Variants in TNKS observed in about 807,000 individuals in gnomAD.
TNKS encodes the protein poly [ADP-ribose] polymerase tankyrase-1.
Under a neutral mutation model 135.8 loss-of-function variants are expected in TNKS, and 72 were observed. That is an observed-to-expected ratio of 0.53 (90% CI 0.44 to 0.64). The LOEUF (loss-of-function observed/expected upper bound fraction) is 0.64. Among genes scored for constraint, TNKS ranks in the 30% least tolerant of loss-of-function variants. The probability of loss-of-function intolerance (pLI) is 0.00; values close to 1 mark genes in which losing one functional copy is unlikely to be tolerated. For synonymous variants in TNKS, 849 were observed against 649.3 expected (o/e 1.31, Z -4.68); for missense variants, 1,769 against 1,674.0 (o/e 1.06, Z -0.99).
chr8:9,709,798 A>G (rs1804231323), intron 9 of TNKS, among the ~76,000 whole-genome samples, 157 bp from the exon 10 acceptor site: 2 of 152,252 alleles, frequency 1.3e-5, no homozygotes, highest in African/African-American at 4.8e-5. Flanking sequence ...CTATACGTAG[A>G]AAGAATATGG....
Position 9,684,522 on chromosome 8 carries a change from C to G in TNKS, c.1107+3722C>G, listed in dbSNP as rs962818820. On this transcript the variant is annotated intron_variant, in intron 5 of 26. Coordinates refer to ENST00000310430, the MANE Select transcript of TNKS (RefSeq NM_003747.3). ...AAATAAATGTCCAAAATTATCCATT[C>G]CTCATCTTAATAGGCAATAGGTAGG... 1.1e-4 allele frequency among the ~76,000 whole-genome samples: 16 copies of G among 152,096 alleles called. No homozygotes were observed. In the East Asian group the frequency reaches 1.9e-3, roughly 18 times the overall value.
chr8:9,697,360 C>G (rs765786678), intron 5 of TNKS, among the ~76,000 whole-genome samples: 2 of 152,000 alleles, frequency 1.3e-5, no homozygotes, highest in Non-Finnish European at 2.9e-5. Flanking sequence ...AGAGAAAAAC[C>G]TAGGAAATAC....
At chr8:9,705,366 C>T (rs1237253837) in intron 6 of TNKS, among the ~76,000 whole-genome samples, 1 of 152,210 alleles carries the variant, frequency 6.6e-6, no homozygotes, top group African/African-American at 2.4e-5. Context: ...TAACATTTCT[C>T]ATTGCCCCAC....
chr8:9,734,257 C>T (rs1340340789), intron 15 of TNKS, among the ~76,000 whole-genome samples: 1 of 152,138 alleles, frequency 6.6e-6, no homozygotes. Flanking sequence ...CCATGACAGT[C>T]TGTGGCCGAC....
At chr8:9,605,576 C>A (rs1281737649) in intron 2 of TNKS, among the ~76,000 whole-genome samples, 1 of 152,032 alleles carries the variant, frequency 6.6e-6, no homozygotes, top group Admixed American at 6.6e-5. Context: ...AACTGATTTC[C>A]AAAATGGTTA....
At chr8:9,748,001 T>G (rs770997345) in intron 17 of TNKS, 23 bp from the exon 18 acceptor site, 6 of 1,590,694 alleles carry the variant, frequency 3.8e-6, no homozygotes, top group Non-Finnish European at 5.1e-6. Flanking sequence ...CTTAACTCTT[T>G]GTATCCTTTT....
chr8:9,766,520 CTTGT>C, intron 25 of TNKS, 95 bp downstream of exon 25: 1 of 1,169,300 alleles, frequency 8.6e-7, no homozygotes, highest in Admixed American at 3.1e-5. Flanking sequence ...AAGTCTTGCT[CTTGT>C]CACCCAGGCT....
At chr8:9,600,344 C>T (rs1462850453) in intron 2 of TNKS, among the ~76,000 whole-genome samples, 1 of 152,094 alleles carries the variant, frequency 6.6e-6, no homozygotes, top group Admixed American at 6.5e-5. Flanking sequence ...GATGGGGTCT[C>T]ACTCTGTCAG....
chr8:9,726,029 C>T (rs1020409497), intron 12 of TNKS, among the ~76,000 whole-genome samples: 5 of 152,146 alleles, frequency 3.3e-5, no homozygotes, highest in African/African-American at 1.2e-4. Flanking sequence ...TATTTAGTAG[C>T]CCTTTTCTGT....
At chr8:9,606,036 T>C (rs1799204547) in intron 2 of TNKS, among the ~76,000 whole-genome samples, 1 of 151,912 alleles carries the variant, frequency 6.6e-6, no homozygotes, top group South Asian at 2.1e-4. Context: ...AAGATTTTTC[T>C]TTCATGTTTT....
chr8:9,735,264 C>T, intron 16 of TNKS, 113 bp from the exon 17 acceptor site: 3 of 1,143,958 alleles, frequency 2.6e-6, no homozygotes, highest in Middle Eastern at 4.2e-4. Context: ...ACAGTATTAG[C>T]TTTTGAAGCA....
At chr8:9,702,311 A>G (rs1177147484) in intron 5 of TNKS, among the ~76,000 whole-genome samples, 1 of 150,856 alleles carries the variant, frequency 6.6e-6, no homozygotes, top group African/African-American at 2.5e-5. Context: ...GTGTGCGTGC[A>G]CACACACACA....
intron 13 of TNKS, among the ~76,000 whole-genome samples, chr8:9,728,262 A>C (rs1042637720): frequency 6.6e-6 from 1 of 152,204 alleles, no homozygotes; most frequent in Non-Finnish European, 1.5e-5. Flanking sequence ...TTTCTTCCCC[A>C]AGAGACTTTA....
intron 11 of TNKS, among the ~76,000 whole-genome samples, chr8:9,713,625 C>T (rs77019364): frequency 0.013 from 1,990 of 152,180 alleles, 41 homozygotes; most frequent in African/African-American, 0.044. Flanking sequence ...ACATTGATAA[C>T]GCTTGCTAGT....
chr8:9,719,652 A>T (rs897637730), intron 11 of TNKS, among the ~76,000 whole-genome samples: 1 of 152,158 alleles, frequency 6.6e-6, no homozygotes, highest in Non-Finnish European at 1.5e-5. Context: ...AGCAAGCACA[A>T]TGAACGTGGA....
At chr8:9,666,850 A>T (rs1229360273) in intron 3 of TNKS, among the ~76,000 whole-genome samples, 2 of 152,190 alleles carry the variant, frequency 1.3e-5, no homozygotes. Context: ...GTTCATAATA[A>T]TTGGCCCTGA....
chr8:9,745,780 G>A (rs1480068974), intron 17 of TNKS, among the ~76,000 whole-genome samples: 1 of 152,130 alleles, frequency 6.6e-6, no homozygotes, highest in African/African-American at 2.4e-5. Flanking sequence ...GTAGTTGGCT[G>A]ATCTGTACTT....
intron 1 of TNKS, among the ~76,000 whole-genome samples, chr8:9,561,772 C>G (rs1444889290): frequency 6.6e-6 from 1 of 152,112 alleles, no homozygotes. Flanking sequence ...TAAGAAACTG[C>G]CAACACCTTT....
chr8:9,624,845 C>G (rs1048934583), intron 3 of TNKS, among the ~76,000 whole-genome samples: 1 of 152,124 alleles, frequency 6.6e-6, no homozygotes, highest in Non-Finnish European at 1.5e-5. Context: ...GAGGCATATC[C>G]TCCCGTATAC....
Sources: gnomAD v4.1 joint callset for allele counts (sites outside exome capture counted in the v4.1 genomes callset) on GRCh38, gnomAD v4.1.1 for gene constraint, MANE v1.5 for transcripts, NCBI Gene and HGNC (gene_info 2026-07-23, HGNC 2026-07-21) for gene names.